Variants in MCM8 observed in about 807,000 individuals in gnomAD.
The protein encoded by MCM8 is DNA helicase MCM8.
Under a neutral mutation model 98.9 loss-of-function variants are expected in MCM8, and 85 were observed. The observed-to-expected ratio is 0.86, with a 90% CI of 0.72 to 1.03. MCM8 has a LOEUF of 1.03. Ranked by LOEUF, MCM8 falls within the 50% of genes least tolerant of loss-of-function variation. The probability of loss-of-function intolerance (pLI) is 0.00; values close to 1 mark genes in which losing one functional copy is unlikely to be tolerated. For missense variants in MCM8, 951 were observed against 997.8 expected (o/e 0.95, Z 0.63); for synonymous variants, 352 against 338.6 (o/e 1.04, Z -0.44).
intron 7 of MCM8, among the ~76,000 whole-genome samples, chr20:5,960,509 A>G (rs74907411): frequency 0.024 from 3,677 of 152,240 alleles, 130 homozygotes; most frequent in African/African-American, 0.077. Flanking sequence ...GATTATATAC[A>G]TTAGATATTT....
chr20:5,964,042 C>G (rs1252008815), intron 8 of MCM8, among the ~76,000 whole-genome samples: 2 of 151,340 alleles, frequency 1.3e-5, no homozygotes, highest in Non-Finnish European at 2.9e-5. Context: ...CAAATAAAGA[C>G]TCCCTTTGAA....
intron 1 of MCM8, 117 bp from the exon 2 acceptor site, chr20:5,951,894 C>A: frequency 8.6e-7 from 1 of 1,167,894 alleles, no homozygotes; most frequent in Non-Finnish European, 1.2e-6. Flanking sequence ...CTTTGCAAGC[C>A]TGTTTGCTAC....
intron 7 of MCM8, among the ~76,000 whole-genome samples, chr20:5,959,600 C>T (rs1483339388): frequency 1.3e-5 from 2 of 149,786 alleles, no homozygotes; most frequent in Middle Eastern, 7.2e-3. Context: ...CAATTGTGCT[C>T]TTTCCAGTTT....
At position 5,983,073 on chromosome 20, in the gene MCM8, T is replaced by G; in HGVS notation, c.1641T>G (p.Val547=). The G allele has an allele frequency of 6.2e-7, 1 of 1,614,172 alleles. No individual in the cohort carries two copies. Among genetic ancestry groups the G allele is most frequent in the Non-Finnish European group, 8.5e-7 (1 of 1,180,018 alleles). Residue 547 remains valine, a synonymous_variant, in exon 14 of 19, where the codon GTT becomes GTG. Coordinates refer to ENST00000610722, the MANE Select transcript of MCM8 (RefSeq NM_032485.6). ...QSISLAKAGV[V]CSLPARTSII... is the part of the protein sequence containing the mutation. ...TTAGTCTTGCTAAGGCTGGTGTGGTTTGTAGCCTTCCTGCAAGAACTTCCA... is the reference window on the plus strand; with the variant it reads ...TTAGTCTTGCTAAGGCTGGTGTGGTGTGTAGCCTTCCTGCAAGAACTTCCA...
intron 9 of MCM8, 50 bp downstream of exon 9, chr20:5,967,637 C>T (rs1015827532): frequency 3.2e-6 from 5 of 1,553,088 alleles, no homozygotes; most frequent in African/African-American, 2.7e-5. Flanking sequence ...GATTCATCAA[C>T]GTTCATCTTT....
chr20:5,976,804 C>G (rs1026420870), intron 12 of MCM8, among the ~76,000 whole-genome samples: 18 of 152,220 alleles, frequency 1.2e-4, no homozygotes, highest in African/African-American at 3.6e-4. Context: ...GTCCGGCTCT[C>G]TCTCTGCTAG....
rs1331133634 is a variant in MCM8, at chr20:5,958,695, T to C, written c.758T>C (p.Leu253Pro). 1 of 1,614,200 alleles carries C rather than the reference T, an allele frequency of 6.2e-7. No homozygotes were observed. The highest frequency in any genetic ancestry group is 1.3e-5 in the African/African-American group (1 of 75,066). ...AACGEIQSFP[L>P]PDGKYSLPTK... ...TGTGGAGAAATTCAGAGCTTTCCTC[T>C]TCCAGATGGAAAATACAGTCTTCCC... Residue 253 changes from leucine (L) to proline (P), a missense_variant, in exon 7 of 19, where the codon CTT (leucine) becomes CCT (proline). Physicochemically the swap from Leu to Pro is moderately conservative, Grantham distance 98 (BLOSUM62 -3). Coordinates refer to ENST00000610722, the MANE Select transcript of MCM8 (RefSeq NM_032485.6).
chr20:5,966,267 C>G (rs1415453734), intron 8 of MCM8, among the ~76,000 whole-genome samples: 1 of 152,014 alleles, frequency 6.6e-6, no homozygotes, highest in Non-Finnish European at 1.5e-5. Flanking sequence ...TTGGCAGGAT[C>G]TTTTGTCTTC....
Position 5,998,968 on chromosome 20 carries a change from TTAA to T in MCM8, c.*4578_*4580del. The T allele has an allele frequency of 6.6e-6, 1 of 151,500 alleles. No individual in the cohort carries two copies. 9.4% of individuals were successfully genotyped at this position (151,500 alleles called of 1,614,324 possible). A position where few individuals can be genotyped will look rare whatever the true frequency, so the allele number is the denominator to read the frequency against. On this transcript the variant is annotated 3_prime_UTR_variant, in exon 19 of 19. Coordinates refer to ENST00000610722, the MANE Select transcript of MCM8 (RefSeq NM_032485.6). ...GTATACATAACACTGATTAAAAATT[TTAA>T]AAAAAAGGTTAAAACAAAAACTGAG...
chr20:5,967,602 T>C lies in MCM8; in HGVS notation c.1027+15T>C, dbSNP rs752920830. The C allele has an allele frequency of 6.3e-6, 10 of 1,591,932 alleles. No individual in the cohort carries two copies. The South Asian group carries it at 1.1e-4, about 18-fold the overall frequency. On this transcript the variant is annotated intron_variant, in intron 9 of 18. Transcript: ENST00000610722. ...TGCGGAAGAAGGTAGGGTACAACTC[T>C]TTTCATTATTTGTCTCTCAATAATG...
chr20:5,962,671 G>T (rs1198981465), intron 7 of MCM8, among the ~76,000 whole-genome samples: 1 of 152,044 alleles, frequency 6.6e-6, no homozygotes, highest in Non-Finnish European at 1.5e-5. Flanking sequence ...ACCGCGCCCG[G>T]CCTTCATTTC....
At chr20:5,951,524 A>G (rs963521901) in intron 1 of MCM8, among the ~76,000 whole-genome samples, 2 of 152,230 alleles carry the variant, frequency 1.3e-5, no homozygotes, top group Non-Finnish European at 2.9e-5. Context: ...TTTTGGATTT[A>G]CAGAAAAACT....
At chr20:5,991,280 G>T (rs1317201078) in intron 17 of MCM8, 6 of 152,152 alleles carry the variant, frequency 3.9e-5, no homozygotes, top group African/African-American at 1.4e-4. Context: ...GCCCATTTAT[G>T]GTTGGTTATA....
chr20:5,965,209 T>C (rs1387147432), intron 8 of MCM8: 1 of 152,200 alleles, frequency 6.6e-6, no homozygotes, highest in Non-Finnish European at 1.5e-5. Context: ...GGATAAATAA[T>C]ATGAGCTTCT....
At chr20:5,978,469 CTAAA>C (rs2089561307) in intron 13 of MCM8, among the ~76,000 whole-genome samples, 1 of 152,176 alleles carries the variant, frequency 6.6e-6, no homozygotes, top group South Asian at 2.1e-4. Context: ...TGATTTAGCT[CTAAA>C]TAGTTTGGAA....
chr20:5,966,970 A>C (rs1294914632), intron 8 of MCM8, among the ~76,000 whole-genome samples: 3 of 152,154 alleles, frequency 2.0e-5, no homozygotes, highest in African/African-American at 7.2e-5. Flanking sequence ...TCGGTTGATT[A>C]CTGTTTTCTT....
intron 13 of MCM8, among the ~76,000 whole-genome samples, chr20:5,982,211 A>G (rs2089643388): frequency 6.6e-6 from 1 of 152,172 alleles, no homozygotes; most frequent in Non-Finnish European, 1.5e-5. Context: ...TCCCCATACC[A>G]GTTAGGTTAG....
chr20:5,976,137 T>G (rs147280733), intron 12 of MCM8, among the ~76,000 whole-genome samples: 116 of 151,796 alleles, frequency 7.6e-4, no homozygotes, highest in African/African-American at 2.7e-3. Flanking sequence ...AAAAACAATT[T>G]TAAAAAAAAT....
intron 13 of MCM8, among the ~76,000 whole-genome samples, chr20:5,978,756 C>T (rs1192400260): frequency 1.3e-5 from 2 of 152,130 alleles, no homozygotes; most frequent in Non-Finnish European, 2.9e-5. Flanking sequence ...CGGGGTTTTA[C>T]CATGTTGGCC....
Sources: gnomAD v4.1 joint callset for allele counts (sites outside exome capture counted in the v4.1 genomes callset) on GRCh38, gnomAD v4.1.1 for gene constraint, MANE v1.5 for transcripts, NCBI Gene and HGNC (gene_info 2026-07-23, HGNC 2026-07-21) for gene names.